The following CIITA variants were observed in gnomAD, a reference collection of about 807,000 sequenced individuals.
The protein encoded by CIITA is class II major histocompatibility complex transactivator, also known as MHC class II transactivator.
In CIITA, 72 loss-of-function variants were observed where a neutral mutation model predicts 115.1. The ratio of observed to expected loss-of-function variants is 0.63; its 90% CI spans 0.52 to 0.76. CIITA has a LOEUF of 0.76. Ranked by LOEUF, CIITA falls within the 30% of genes least tolerant of loss-of-function variation. The pLI, the probability that CIITA is intolerant of heterozygous loss-of-function variation, is 0.00. For missense variants in CIITA, 1,617 were observed against 1,463.8 expected, an observed-to-expected ratio of 1.10 and a Z score of -1.71; for synonymous variants, 763 against 635.6, an observed-to-expected ratio of 1.20 and a Z score of -3.02.
chr16:10,922,118 G>A (rs1177820723), intron 16 of CIITA, 49 bp from the exon 17 acceptor site: 2 of 1,539,410 alleles, frequency 1.3e-6, no homozygotes, highest in Non-Finnish European at 1.8e-6. Context: ...CTGGAAGGCT[G>A]ACCATGCACA....
At chr16:10,884,938 C>G (rs200954241) in intron 1 of CIITA, among the ~76,000 whole-genome samples, 2 of 151,608 alleles carry the variant, frequency 1.3e-5, no homozygotes, top group South Asian at 4.2e-4. Flanking sequence ...CTGCCTCTCC[C>G]TGCCCCAGTC....
rs2040741936 is a variant in CIITA, at chr16:10,930,558, A to T, written c.*6703A>T. ...TTCTTATCATTTAATAGGATAAGAAATTGAGGTTCAGAGAAGCCAAGTAAC... is the reference window on the plus strand; with the variant it reads ...TTCTTATCATTTAATAGGATAAGAATTTGAGGTTCAGAGAAGCCAAGTAAC... On this transcript the variant is annotated 3_prime_UTR_variant, in exon 20 of 20. Transcript: ENST00000324288. 6.6e-6 allele frequency: 1 copy of T among 152,260 alleles called. No homozygotes were observed. Among genetic ancestry groups the T allele is most frequent in the Non-Finnish European group, 1.5e-5 (1 of 68,042 alleles). The allele number at this position is 152,260 out of a possible 1,614,324, so 9.4% of individuals were successfully genotyped here.
rs1259044727 is a variant in CIITA, at chr16:10,941,843, C to G, written n.969C>G. On this transcript the variant is annotated non_coding_transcript_exon_variant, in exon 2 of 2. Transcript: ENST00000573379. The surrounding 1 kb of genome is among the most constrained non-coding windows in gnomAD (Gnocchi z 6.4). ...ATGTCCTCGGGCAGGAAGACGAGGC[C>G]CACGTTGAGGACGATGTACTCCATG... The G allele has an allele frequency of 1.2e-6, 2 of 1,613,116 alleles. No homozygotes were observed. Among genetic ancestry groups the G allele is most frequent in the Non-Finnish European group, 1.7e-6 (2 of 1,179,832 alleles).
At chr16:10,888,406 C>T (rs1055078300) in intron 1 of CIITA, 1 of 152,206 alleles carries the variant, frequency 6.6e-6, no homozygotes. Context: ...CATCTCCCAC[C>T]AGCTGAGATG....
At chr16:10,910,320 G>T in intron 13 of CIITA, 61 bp downstream of exon 13, 1 of 1,394,764 alleles carries the variant, frequency 7.2e-7, no homozygotes, top group East Asian at 2.3e-5. Flanking sequence ...AGCATTAGCT[G>T]GGCTTGTACC....
In CIITA at chr16:10,901,781, G is replaced by T. The variant is rs1055436413; in HGVS notation, c.481+223G>T. 6.0e-6 allele frequency: 4 copies of T among 665,160 alleles called. No homozygotes were observed. Among genetic ancestry groups the T allele is most frequent in the Non-Finnish European group, 7.8e-6 (3 of 387,048 alleles). 41.2% of individuals were successfully genotyped at this position (665,160 alleles called of 1,614,324 possible). On this transcript the variant is annotated intron_variant, in intron 6 of 19. Transcript: ENST00000324288. This position sits in a 1 kb window ranked among gnomAD's most constrained non-coding sequence, Gnocchi z 6.8. ...CTTGGAGCTAACAGATTGTTCATAG[G>T]TTCTATTCTGCCCCAGCTCTCCGTG...
In CIITA at chr16:10,879,954, G is replaced by A. The variant is rs1315540047; in HGVS notation, c.52+2572G>A. ...TCAAGGCATGGCTCCCTCCCCAGCC[G>A]CAGCCTGGAGTGTCTAACTTTGGCA... On this transcript the variant is annotated intron_variant, in intron 1 of 19. Transcript: ENST00000324288. The surrounding 1 kb of genome is among the most constrained non-coding windows in gnomAD (Gnocchi z 4.3). Among the ~76,000 whole-genome samples the A allele has an allele frequency of 2.0e-5, 3 of 152,166 alleles. No individual in the cohort carries two copies. Among genetic ancestry groups the A allele is most frequent in the Non-Finnish European group, 2.9e-5 (2 of 68,014 alleles).
At chr16:10,897,148 T>C (rs2144347046) in intron 3 of CIITA, among the ~76,000 whole-genome samples, 1 of 152,258 alleles carries the variant, frequency 6.6e-6, no homozygotes, top group Admixed American at 6.5e-5. Context: ...TACCTGACAC[T>C]GAGTAATTTA....
rs369419514 is a variant in CIITA, at chr16:10,898,870, T to A, written c.359-55T>A. On this transcript the variant is annotated intron_variant, in intron 4 of 19. Transcript: ENST00000324288. Reference sequence around the variant, plus strand: ...TCCCCAAGGTGGGTACAATAGAGACTCACCTTGGGCTTTCATTGATTGTGT... The same window carrying A: ...TCCCCAAGGTGGGTACAATAGAGACACACCTTGGGCTTTCATTGATTGTGT... The A allele has an allele frequency of 6.2e-5, 99 of 1,602,242 alleles. 1 individual carries two copies. The highest frequency in any genetic ancestry group is 2.3e-4 in the Admixed American group (14 of 59,952).
intron 1 of CIITA, among the ~76,000 whole-genome samples, chr16:10,883,289 T>C (rs897041434): frequency 2.6e-5 from 4 of 152,198 alleles, no homozygotes; most frequent in African/African-American, 9.7e-5. Context: ...TGACTGCAGT[T>C]AGGAGTGGCA....
In CIITA at chr16:10,883,360, T is replaced by C. The variant is rs188364838; in HGVS notation, c.52+5978T>C. Among the ~76,000 whole-genome samples the C allele has an allele frequency of 2.0e-3, 297 of 152,272 alleles. 2 individuals are homozygous for C. Among genetic ancestry groups the C allele is most frequent in the Non-Finnish European group, 1.3e-3 (90 of 68,026 alleles). The stretch of plus-strand genomic sequence containing the variant: ...AGGCAAGCGGGGAAGGGAACTCTTA[T>C]CCCAACCCTGCATTCTGGACAGGGA... On this transcript the variant is annotated intron_variant, in intron 1 of 19. Coordinates refer to ENST00000324288, the MANE Select transcript of CIITA (RefSeq NM_000246.4).
Position 10,898,716 on chromosome 16 carries a change from G to T in CIITA, c.342G>T (p.Leu114=). ...YVFQDSQLEG[L]SKDIFKHIGP... ...TCCAGGACTCCCAGCTGGAGGGCCT[G>T]AGCAAGGACATTTTCAGTAAGTTTG... The change falls in exon 4 of 20, where the codon CTG becomes CTT. Residue 114 remains leucine, a synonymous_variant. Transcript: ENST00000324288. The T allele has an allele frequency of 6.2e-7, 1 of 1,611,914 alleles. No individual in the cohort carries two copies. Among genetic ancestry groups the T allele is most frequent in the South Asian group, 1.1e-5 (1 of 90,798 alleles).
intron 1 of CIITA, among the ~76,000 whole-genome samples, chr16:10,883,893 A>C (rs2036662961): frequency 6.6e-6 from 1 of 152,194 alleles, no homozygotes; most frequent in South Asian, 2.1e-4. Flanking sequence ...AGACCTTCAC[A>C]TCCCTCATCT....
Position 10,906,525 on chromosome 16 carries a change from C to T in CIITA, c.1033C>T (p.Leu345=), listed in dbSNP as rs756276934. The T allele has an allele frequency of 8.7e-6, 14 of 1,612,308 alleles. No individual in the cohort carries two copies. The Admixed American group carries it at 1.5e-4, about 17-fold the overall frequency. The change falls in exon 11 of 20, where the codon CTG becomes TTG. Residue 345 remains leucine (L), a synonymous_variant. Transcript: ENST00000324288. ...PEPVEQFYRS[L]QDTYGAEPAG... ...GCCGGTGGAGCAGTTCTACCGCTCA[C>T]TGCAGGACACGTATGGTGCCGAGCC... is the stretch of plus-strand genomic sequence containing the variant.
intron 15 of CIITA, chr16:10,916,664 T>G (rs1309783084): frequency 1.7e-6 from 1 of 603,576 alleles, no homozygotes; most frequent in Non-Finnish European, 3.0e-6. Flanking sequence ...GTGCTGGGAT[T>G]ATAGGTGTGA....
At chr16:10,874,207 T>C (rs905882575), upstream of CIITA, among the ~76,000 whole-genome samples, 2 of 152,044 alleles carry the variant, frequency 1.3e-5, no homozygotes, top group African/African-American at 4.8e-5. Flanking sequence ...TGGTTTCGAA[T>C]TCCTGACCTC....
chr16:10,882,445 G>C (rs760881400), intron 1 of CIITA, among the ~76,000 whole-genome samples: 7 of 152,280 alleles, frequency 4.6e-5, no homozygotes, highest in Non-Finnish European at 1.0e-4. Flanking sequence ...AATTAAGAAA[G>C]GGGCCTGGTG....
At chr16:10,898,035 A>T (rs1012811057) in intron 3 of CIITA, among the ~76,000 whole-genome samples, 5 of 151,678 alleles carry the variant, frequency 3.3e-5, no homozygotes, top group Admixed American at 3.3e-4. Flanking sequence ...CTTCTCCCAG[A>T]CTCTGCCTCA....
At chr16:10,899,160 A>G (rs2038449384) in intron 5 of CIITA, among the ~76,000 whole-genome samples, 158 bp downstream of exon 5, 1 of 152,018 alleles carries the variant, frequency 6.6e-6, no homozygotes, top group South Asian at 2.1e-4. Flanking sequence ...TGTACATCTG[A>G]TTATTTCATG....
Sources: allele counts gnomAD v4.1 joint callset (sites outside exome capture counted in the v4.1 genomes callset), GRCh38; gene constraint gnomAD v4.1.1; non-coding constraint Gnocchi (gnomAD v3.1); transcripts MANE v1.5; gene names NCBI Gene and HGNC (gene_info 2026-07-23, HGNC 2026-07-21).